The following LRRC4C variants were observed in gnomAD, a reference collection of about 807,000 sequenced individuals.
The protein encoded by LRRC4C is leucine-rich repeat-containing protein 4C.
Under a neutral mutation model 33.6 loss-of-function variants are expected in LRRC4C, and 5 were observed. That is an observed-to-expected ratio of 0.15 (90% CI 0.08 to 0.31). The LOEUF (loss-of-function observed/expected upper bound fraction) is 0.31, where lower values mean the gene tolerates loss of function less well. Ranked by LOEUF, LRRC4C falls within the 10% of genes least tolerant of loss-of-function variation. The pLI is 1.00. For synonymous variants in LRRC4C, 329 were observed against 302.0 expected (o/e 1.09, Z -0.93); for missense variants, 560 against 796.7 (o/e 0.70, Z 3.58).
At chr11:40,464,342 C>A (rs2138217761) in intron 3 of LRRC4C, among the ~76,000 whole-genome samples, 1 of 151,768 alleles carries the variant, frequency 6.6e-6, no homozygotes, top group Non-Finnish European at 1.5e-5. Flanking sequence ...ATAATAAAAG[C>A]CATATAAGAC....
intron 1 of LRRC4C, among the ~76,000 whole-genome samples, chr11:41,267,338 T>G (rs2136797037): frequency 1.3e-5 from 2 of 152,228 alleles, no homozygotes; most frequent in Middle Eastern, 6.8e-3. Flanking sequence ...ACTGCTATAG[T>G]GAAAAGAACG....
intron 1 of LRRC4C, among the ~76,000 whole-genome samples, chr11:41,139,649 C>T (rs1031320503): frequency 6.6e-6 from 1 of 152,166 alleles, no homozygotes; most frequent in African/African-American, 2.4e-5. Flanking sequence ...CAGCACAATC[C>T]TCAAGTTCAT....
intron 2 of LRRC4C, among the ~76,000 whole-genome samples, chr11:40,786,120 A>T (rs1043442861): frequency 1.3e-5 from 2 of 152,200 alleles, no homozygotes; most frequent in African/African-American, 2.4e-5. Context: ...GGAAGCTTCT[A>T]TGCTTTCAGC....
intron 3 of LRRC4C, among the ~76,000 whole-genome samples, chr11:40,381,523 T>C (rs556289376): frequency 2.4e-4 from 37 of 152,312 alleles, no homozygotes; most frequent in African/African-American, 8.7e-4. Context: ...GCTGGACAAT[T>C]TTATGTCCTA....
intron 2 of LRRC4C, among the ~76,000 whole-genome samples, chr11:40,760,002 A>G (rs938090578): frequency 2.0e-5 from 3 of 151,438 alleles, no homozygotes; most frequent in Non-Finnish European, 4.4e-5. Flanking sequence ...TTCGGTTTTG[A>G]CCAATCCCTG....
At chr11:40,917,893 C>T (rs1728500849) in intron 2 of LRRC4C, among the ~76,000 whole-genome samples, 1 of 151,774 alleles carries the variant, frequency 6.6e-6, no homozygotes. Flanking sequence ...TCAATGTTTG[C>T]ATTATTCAAT....
At chr11:40,812,961 G>T (rs1457883715) in intron 2 of LRRC4C, among the ~76,000 whole-genome samples, 1 of 152,146 alleles carries the variant, frequency 6.6e-6, no homozygotes, top group East Asian at 1.9e-4. Context: ...AATACATGAT[G>T]ATATACAGTG....
intron 1 of LRRC4C, among the ~76,000 whole-genome samples, chr11:41,283,480 T>C (rs190022552): frequency 6.6e-6 from 1 of 152,332 alleles, no homozygotes; most frequent in Non-Finnish European, 1.5e-5. Context: ...ATGTTAAGAA[T>C]AGTATTTTCA....
intron 2 of LRRC4C, among the ~76,000 whole-genome samples, chr11:40,853,630 G>A (rs1295583086): frequency 1.3e-5 from 2 of 151,960 alleles, no homozygotes; most frequent in African/African-American, 4.8e-5. Context: ...TCTAAACTAC[G>A]AACACCCATG....
rs559179449 is a variant in LRRC4C at position 40,612,566 on chromosome 11, C to T, written c.-270+35576G>A. ...GTTTTTACCATCATTTCAAAAAGAA[C>T]ATTAATTGAAATATGCACTTCAAAA... On this transcript the variant is annotated intron_variant, in intron 3 of 6. Coordinates refer to ENST00000528697, the MANE Select transcript of LRRC4C (RefSeq NM_001258419.2). Among the ~76,000 whole-genome samples the T allele has an allele frequency of 4.6e-5, 7 of 151,938 alleles. 1 individual carries two copies. Among genetic ancestry groups the T allele is most frequent in the African/African-American group, 1.7e-4 (7 of 41,504 alleles).
At chr11:41,252,110 G>T (rs977958951) in intron 1 of LRRC4C, among the ~76,000 whole-genome samples, 1 of 152,116 alleles carries the variant, frequency 6.6e-6, no homozygotes, top group Non-Finnish European at 1.5e-5. Flanking sequence ...AAACAGGCAA[G>T]AAAAGCTTTA....
chr11:40,462,970 C>T (rs1037409705), intron 3 of LRRC4C, among the ~76,000 whole-genome samples: 3 of 127,686 alleles, frequency 2.3e-5, no homozygotes, highest in South Asian at 5.3e-4. Context: ...CATACTTATC[C>T]CAGATCATCC....
At chr11:40,972,978 T>G (rs1851831712) in intron 1 of LRRC4C, among the ~76,000 whole-genome samples, 1 of 152,110 alleles carries the variant, frequency 6.6e-6, no homozygotes, top group Non-Finnish European at 1.5e-5. Flanking sequence ...TCCCCCTTGG[T>G]GCTATCATTG....
At chr11:40,548,081 G>A (rs1956996766) in intron 3 of LRRC4C, among the ~76,000 whole-genome samples, 1 of 152,054 alleles carries the variant, frequency 6.6e-6, no homozygotes, top group African/African-American at 2.4e-5. Flanking sequence ...GGGAAAGAAG[G>A]AAAGTGTGCA....
chr11:40,285,190 A>G (rs67050360), intron 4 of LRRC4C, among the ~76,000 whole-genome samples: 4 of 151,932 alleles, frequency 2.6e-5, no homozygotes, highest in Admixed American at 2.6e-4. Flanking sequence ...CTCTCAAAAA[A>G]CCCCCAGCTT....
intron 1 of LRRC4C, among the ~76,000 whole-genome samples, chr11:41,119,365 C>T (rs548084018): frequency 6.6e-6 from 1 of 152,282 alleles, no homozygotes; most frequent in Admixed American, 6.5e-5. Flanking sequence ...GGAGAAGTCA[C>T]TCTGTGGTAG....
intron 1 of LRRC4C, among the ~76,000 whole-genome samples, chr11:41,281,082 T>TCTCTCTCTCTCTGTC (rs1949658950): frequency 1.8e-4 from 16 of 90,854 alleles, no homozygotes; most frequent in Non-Finnish European, 3.4e-4. Flanking sequence ...CTCTGTCCTC[T>TCTCTCTCTCTCTGTC]CTCTCTCTCT....
At chr11:40,769,184 A>G (rs1949631108) in intron 2 of LRRC4C, among the ~76,000 whole-genome samples, 1 of 152,192 alleles carries the variant, frequency 6.6e-6, no homozygotes, top group Non-Finnish European at 1.5e-5. Flanking sequence ...ATTTGTCAAC[A>G]GATAACAATC....
intron 1 of LRRC4C, among the ~76,000 whole-genome samples, chr11:41,089,666 A>T (rs1394375550): frequency 6.6e-6 from 1 of 152,042 alleles, no homozygotes; most frequent in Admixed American, 6.6e-5. Context: ...TTTTCTTAAT[A>T]CAGAGTTGAA....
Sources: gnomAD v4.1 joint callset for allele counts (sites outside exome capture counted in the v4.1 genomes callset) on GRCh38, gnomAD v4.1.1 for gene constraint, MANE v1.5 for transcripts, NCBI Gene and HGNC (gene_info 2026-07-23, HGNC 2026-07-21) for gene names.